SYAP1: variants seen among roughly 807,000 people sequenced by gnomAD.
The protein encoded by SYAP1 is synapse-associated protein 1.
In SYAP1, 3 loss-of-function variants were observed where a neutral mutation model predicts 29.6. That is an observed-to-expected ratio of 0.10 (90% CI 0.05 to 0.26). The LOEUF is 0.26. SYAP1 is among the 10% of genes least tolerant of loss of function. The probability of loss-of-function intolerance (pLI) is 1.00; values close to 1 mark genes in which losing one functional copy is unlikely to be tolerated. For missense variants in SYAP1, 217 were observed against 264.1 expected (o/e 0.82, Z 1.24); for synonymous variants, 102 against 102.7 (o/e 0.99, Z 0.04).
At chrX:16,739,032 A>G (rs1349088162) in intron 3 of SYAP1, among the ~76,000 whole-genome samples, 1 of 111,335 alleles carries the variant, frequency 9.0e-6, no homozygotes, top group African/African-American at 3.3e-5. Flanking sequence ...GCATCTCCTC[A>G]TACAAGTATC....
intron 5 of SYAP1, among the ~76,000 whole-genome samples, chrX:16,750,767 ATT>A (rs35898800): frequency 9.9e-5 from 9 of 90,802 alleles, no homozygotes; most frequent in Non-Finnish European, 4.4e-5. Flanking sequence ...GTTCTCACTG[ATT>A]TTTTTTTTTT....
chrX:16,763,373 G>A lies in SYAP1; in HGVS notation c.*3014G>A, dbSNP rs5980332. 0.33 allele frequency: 35,423 copies of A among 107,023 alleles called. 4,638 individuals carry two copies. The highest frequency in any genetic ancestry group is 0.53 in the East Asian group (1,768 of 3,314). 8.8% of individuals were successfully genotyped at this position (107,023 alleles called of 1,213,427 possible). A position where few individuals can be genotyped will look rare whatever the true frequency, so the allele number is the denominator to read the frequency against. On this transcript the variant is annotated 3_prime_UTR_variant, in exon 9 of 9. Coordinates refer to ENST00000380155, the MANE Select transcript of SYAP1 (RefSeq NM_032796.4). Reference sequence around the variant, plus strand: ...TTTTTGTTTGTTTTTTTTTCTTGGAGACAGAATCTTGCTCTGTCACCCAGG... The same window carrying A: ...TTTTTGTTTGTTTTTTTTTCTTGGAAACAGAATCTTGCTCTGTCACCCAGG...
chrX:16,760,374 G>C lies in SYAP1; in HGVS notation c.*15G>C. On this transcript the variant is annotated 3_prime_UTR_variant, in exon 9 of 9. Coordinates refer to ENST00000380155, the MANE Select transcript of SYAP1 (RefSeq NM_032796.4). ...AGGAAAATTAGCTGTTCCTGAAATAGAAGAATAATCCTTAACAGTCTGCAA... is the reference window on the plus strand; with the variant it reads ...AGGAAAATTAGCTGTTCCTGAAATACAAGAATAATCCTTAACAGTCTGCAA... 8.5e-7 allele frequency: 1 copy of C among 1,174,739 alleles called. No homozygotes were observed. The highest frequency in any genetic ancestry group is 1.1e-6 in the Non-Finnish European group (1 of 879,803).
In SYAP1 at chrX:16,742,143, G is replaced by GTTTTTTTTT. The variant is rs144175479; in HGVS notation, c.435+372_435+380dup. On this transcript the variant is annotated intron_variant, in intron 4 of 8. Coordinates refer to ENST00000380155, the MANE Select transcript of SYAP1 (RefSeq NM_032796.4). ...ACCATGCCCAGCTAATTTTTGTGTGGTTTTTTTTTTTTTTTTTTTTTTTTT... is the reference window on the plus strand; with the variant it reads ...ACCATGCCCAGCTAATTTTTGTGTGGTTTTTTTTTTTTTTTTTTTTTTTTTTTTTTTTTT... 1.4e-4 allele frequency among the ~76,000 whole-genome samples: 6 copies of GTTTTTTTTT among 41,872 alleles called. 1 individual carries two copies. Among genetic ancestry groups the GTTTTTTTTT allele is most frequent in the African/African-American group, 6.6e-4 (5 of 7,526 alleles). The allele number at this position is 41,872 out of a possible 115,157, so 36.4% of individuals were successfully genotyped here.
intron 5 of SYAP1, among the ~76,000 whole-genome samples, chrX:16,750,195 A>G (rs184030084): frequency 3.6e-5 from 4 of 111,848 alleles, no homozygotes; most frequent in African/African-American, 1.3e-4. Flanking sequence ...AAAGCACACC[A>G]TAGCATATCT....
intron 1 of SYAP1, among the ~76,000 whole-genome samples, chrX:16,729,769 A>T (rs1356344722): frequency 9.0e-6 from 1 of 111,326 alleles, no homozygotes; most frequent in Non-Finnish European, 1.9e-5. Flanking sequence ...GGCATGAGCC[A>T]CTGCGCCCAG....
intron 1 of SYAP1, among the ~76,000 whole-genome samples, chrX:16,732,461 A>T (rs1291132473): frequency 1.9e-5 from 2 of 105,887 alleles, no homozygotes; most frequent in Non-Finnish European, 3.9e-5. Context: ...TTTAGTAGAG[A>T]CGGGGTTTCA....
Position 16,743,769 on chromosome X carries a change from CCCCGT to C in SYAP1, c.505_509del (p.Pro169GlyfsTer9). 8.3e-7 allele frequency: 1 copy of C among 1,210,022 alleles called. No homozygotes were observed. The highest frequency in any genetic ancestry group is 1.1e-6 in the Non-Finnish European group (1 of 894,259). ...TTAATTTCGACTTTGATCAGATGTA[CCCCGT>C]GGCCCTGGTCATGCTCCAGGAGGAT... On this transcript the variant is annotated frameshift_variant, in exon 5 of 9. Transcript: ENST00000380155. LOFTEE classifies it high-confidence loss of function.
In SYAP1 at chrX:16,751,975, C is replaced by CTTTT. The variant is rs773120810; in HGVS notation, c.576-2949_576-2946dup. On this transcript the variant is annotated intron_variant, in intron 5 of 8. Coordinates refer to ENST00000380155, the MANE Select transcript of SYAP1 (RefSeq NM_032796.4). ...ACAGGCATGAGCCACTGCACCCGGC[C>CTTTT]TTTTTTTTTTTTTTTTTTTTTTTTG... Among the ~76,000 whole-genome samples the CTTTT allele has an allele frequency of 2.6e-3, 146 of 56,650 alleles. 7 individuals are homozygous for CTTTT. The highest frequency in any genetic ancestry group is 0.013 in the African/African-American group (138 of 10,807). The allele number at this position is 56,650 out of a possible 115,157, so 49.2% of individuals were successfully genotyped here.
At chrX:16,738,666 C>T (rs1444870883) in intron 3 of SYAP1, among the ~76,000 whole-genome samples, 1 of 111,034 alleles carries the variant, frequency 9.0e-6, no homozygotes, top group African/African-American at 3.3e-5. Flanking sequence ...AGCAAGACTC[C>T]ATCTCAAAAA....
At chrX:16,728,837 T>A (rs1264924715) in intron 1 of SYAP1, among the ~76,000 whole-genome samples, 1 of 109,462 alleles carries the variant, frequency 9.1e-6, no homozygotes, top group African/African-American at 3.3e-5. Context: ...CAGGAGTTTG[T>A]GACCACTCCA....
chrX:16,731,651 C>G (rs1055576034), intron 1 of SYAP1, among the ~76,000 whole-genome samples: 1 of 111,894 alleles, frequency 8.9e-6, no homozygotes, highest in Non-Finnish European at 1.9e-5. Flanking sequence ...TTAAAAATTA[C>G]ACAAGCAGCC....
At chrX:16,747,808 C>T (rs1295844820) in intron 5 of SYAP1, among the ~76,000 whole-genome samples, 29 of 111,745 alleles carry the variant, frequency 2.6e-4, no homozygotes, top group Admixed American at 2.5e-3. Context: ...TGAAGTGGAG[C>T]GCAATGGCTC....
chrX:16,723,465 G>C (rs537060631), intron 1 of SYAP1, among the ~76,000 whole-genome samples: 5 of 111,717 alleles, frequency 4.5e-5, no homozygotes, highest in South Asian at 7.5e-4. Context: ...CTGAGGCTGT[G>C]GGGTAGAAAT....
At chrX:16,756,742 A>T in intron 7 of SYAP1, 21 bp downstream of exon 7, 1 of 1,168,439 alleles carries the variant, frequency 8.6e-7, no homozygotes, top group Non-Finnish European at 1.2e-6. Context: ...TTTACATTGT[A>T]CCTAGTAGTT....
intron 3 of SYAP1, among the ~76,000 whole-genome samples, chrX:16,737,503 A>G: frequency 8.9e-6 from 1 of 112,319 alleles, no homozygotes; most frequent in Non-Finnish European, 1.9e-5. Context: ...ACTCTTTTAG[A>G]CAAGTGAGGT....
At chrX:16,739,124 T>G (rs946508318) in intron 3 of SYAP1, among the ~76,000 whole-genome samples, 1 of 111,653 alleles carries the variant, frequency 9.0e-6, no homozygotes, top group African/African-American at 3.2e-5. Flanking sequence ...GAGACTAAAG[T>G]GTGTGAGAAA....
At chrX:16,742,853 G>A (rs983352702) in intron 4 of SYAP1, among the ~76,000 whole-genome samples, 4 of 107,877 alleles carry the variant, frequency 3.7e-5, no homozygotes, top group Non-Finnish European at 7.6e-5. Context: ...GGCCTCAAGC[G>A]ATCCTCTTGC....
rs2147442156 is a variant in SYAP1 at position 16,763,036 on chromosome X, C to T, written c.*2677C>T. Reference sequence around the variant, plus strand: ...GGCATGGTGGTTCACACCTGTAATCCCAGCACTTTGGGAGGCTGAGGCAGG... The same window carrying T: ...GGCATGGTGGTTCACACCTGTAATCTCAGCACTTTGGGAGGCTGAGGCAGG... On this transcript the variant is annotated 3_prime_UTR_variant, in exon 9 of 9. Transcript: ENST00000380155. 9.0e-6 allele frequency: 1 copy of T among 111,259 alleles called. No individual in the cohort carries two copies. The highest frequency in any genetic ancestry group is 9.6e-5 in the Admixed American group (1 of 10,365). The allele number at this position is 111,259 out of a possible 1,213,427, so 9.2% of individuals were successfully genotyped here. A position where few individuals can be genotyped will look rare whatever the true frequency, so the allele number is the denominator to read the frequency against.
Sources: allele counts gnomAD v4.1 joint callset (sites outside exome capture counted in the v4.1 genomes callset), GRCh38; gene constraint gnomAD v4.1.1; transcripts MANE v1.5; gene names NCBI Gene and HGNC (gene_info 2026-07-23, HGNC 2026-07-21).